The following RFX7 variants were observed in gnomAD, a reference collection of about 807,000 sequenced individuals.
RFX7 encodes regulatory factor X7.
RFX7 carries 26 observed loss-of-function variants against 111.8 expected under a neutral mutation model. The observed-to-expected ratio is 0.23, with a 90% CI of 0.17 to 0.32. RFX7 has a LOEUF of 0.32. RFX7 is among the 10% of genes least tolerant of loss of function. The pLI is 1.00. For synonymous variants in RFX7, 624 were observed against 624.4 expected (o/e 1.00, Z 0.01); for missense variants, 1,573 against 1,772.9 (o/e 0.89, Z 2.02).
chr15:56,129,978 T>C (rs2042191514), intron 5 of RFX7, among the ~76,000 whole-genome samples: 1 of 152,232 alleles, frequency 6.6e-6, no homozygotes, highest in East Asian at 1.9e-4. Flanking sequence ...CAGTTAATTT[T>C]CTTATATGTA....
intron 2 of RFX7, among the ~76,000 whole-genome samples, chr15:56,191,751 C>T (rs1043799493): frequency 5.9e-5 from 9 of 151,980 alleles, no homozygotes; most frequent in African/African-American, 2.2e-4. Context: ...ACCAGGAAAA[C>T]CGACCTCTTA....
At chr15:56,134,835 A>T (rs1431385653) in intron 5 of RFX7, among the ~76,000 whole-genome samples, 8 of 152,020 alleles carry the variant, frequency 5.3e-5, no homozygotes, top group African/African-American at 1.9e-4. Flanking sequence ...TCATTGTTCA[A>T]TCCCCACCTA....
intron 2 of RFX7, among the ~76,000 whole-genome samples, chr15:56,210,073 C>T (rs1567047334): frequency 1.3e-5 from 2 of 151,882 alleles, no homozygotes; most frequent in East Asian, 1.9e-4. Flanking sequence ...AATTATATGT[C>T]GTCTACAAAA....
At chr15:56,195,555 CCTGCT>C (rs2043139791) in intron 2 of RFX7, among the ~76,000 whole-genome samples, 1 of 152,226 alleles carries the variant, frequency 6.6e-6, no homozygotes, top group East Asian at 1.9e-4. Flanking sequence ...TTAGTACTTG[CCTGCT>C]CTTATGAATT....
At chr15:56,222,761 T>C (rs2141217668) in intron 2 of RFX7, among the ~76,000 whole-genome samples, 1 of 152,294 alleles carries the variant, frequency 6.6e-6, no homozygotes, top group East Asian at 1.9e-4. Context: ...AGAGACAACA[T>C]AAAATAGTTG....
At chr15:56,202,328 T>A (rs1277814145) in intron 2 of RFX7, among the ~76,000 whole-genome samples, 1 of 152,242 alleles carries the variant, frequency 6.6e-6, no homozygotes, top group South Asian at 2.1e-4. Context: ...GCAATGAATA[T>A]AAATATTGAG....
intron 3 of RFX7, among the ~76,000 whole-genome samples, chr15:56,177,350 A>G (rs941839971): frequency 6.6e-6 from 1 of 152,114 alleles, no homozygotes; most frequent in Non-Finnish European, 1.5e-5. Flanking sequence ...ATTGTGGAGT[A>G]TCATTTATCG....
chr15:56,158,114 C>CAT (rs761992147), intron 3 of RFX7, among the ~76,000 whole-genome samples: 2 of 152,040 alleles, frequency 1.3e-5, no homozygotes, highest in Admixed American at 6.6e-5. Flanking sequence ...AAGGATATGA[C>CAT]ATATATATAA....
chr15:56,241,310 C>A (rs2043686642), intron 2 of RFX7, among the ~76,000 whole-genome samples: 1 of 152,010 alleles, frequency 6.6e-6, no homozygotes, highest in Non-Finnish European at 1.5e-5. Context: ...CATTATTTGC[C>A]AAAAAGTGCA....
chr15:56,105,611 T>C (rs2041819859), intron 5 of RFX7, among the ~76,000 whole-genome samples: 1 of 152,136 alleles, frequency 6.6e-6, no homozygotes, highest in Admixed American at 6.5e-5. Context: ...TCCATTCTAT[T>C]CTCCATCTGT....
chr15:56,193,361 T>G (rs2043118077), intron 2 of RFX7: 2 of 152,198 alleles, frequency 1.3e-5, no homozygotes, highest in Admixed American at 1.3e-4. Flanking sequence ...CCATTTTCTA[T>G]TTTTGAATAA....
intron 2 of RFX7, among the ~76,000 whole-genome samples, chr15:56,230,555 TG>T (rs1293200082): frequency 1.3e-5 from 2 of 152,094 alleles, no homozygotes; most frequent in Non-Finnish European, 2.9e-5. Context: ...CCTCTAAGAA[TG>T]CAGTAAACAA....
rs563588702 is a variant in RFX7 at position 56,156,914 on chromosome 15, G to T, written c.196-12431C>A. 1.4e-4 allele frequency among the ~76,000 whole-genome samples: 22 copies of T among 152,278 alleles called. No homozygotes were observed. The South Asian group carries it at 4.6e-3, about 32-fold the overall frequency. ...GAGCTTGTTAAAACAAAGAGTGCATGACCCCACTTCCAGAGTTTCTGATTC... is the reference window on the plus strand; with the variant it reads ...GAGCTTGTTAAAACAAAGAGTGCATTACCCCACTTCCAGAGTTTCTGATTC... On this transcript the variant is annotated intron_variant, in intron 3 of 9. Transcript: ENST00000559447.
intron 2 of RFX7, among the ~76,000 whole-genome samples, chr15:56,201,180 A>G (rs1403563217): frequency 6.6e-6 from 1 of 152,192 alleles, no homozygotes; most frequent in Non-Finnish European, 1.5e-5. Context: ...TACTTGTAAG[A>G]CATGACTTAT....
intron 2 of RFX7, among the ~76,000 whole-genome samples, chr15:56,208,211 C>G (rs2043275048): frequency 6.6e-6 from 1 of 152,068 alleles, no homozygotes; most frequent in Non-Finnish European, 1.5e-5. Flanking sequence ...ATAACGCTAC[C>G]CTCAGGAGAA....
At chr15:56,173,399 A>G (rs1459427440) in intron 3 of RFX7, among the ~76,000 whole-genome samples, 1 of 152,246 alleles carries the variant, frequency 6.6e-6, no homozygotes, top group African/African-American at 2.4e-5. Context: ...AACCATAAAA[A>G]TCAGTGTTCA....
chr15:56,235,812 T>C (rs1364080154), intron 2 of RFX7, among the ~76,000 whole-genome samples: 1 of 152,216 alleles, frequency 6.6e-6, no homozygotes, highest in Non-Finnish European at 1.5e-5. Flanking sequence ...TGTAAAGGTA[T>C]CCTTTGCTAT....
At chr15:56,184,855 G>A (rs2043020996) in intron 2 of RFX7, among the ~76,000 whole-genome samples, 1 of 152,166 alleles carries the variant, frequency 6.6e-6, no homozygotes, top group Admixed American at 6.5e-5. Flanking sequence ...AGCTTATAAA[G>A]ACAGAAGTTG....
chr15:56,176,904 C>T (rs1277973162), intron 3 of RFX7, among the ~76,000 whole-genome samples: 1 of 150,608 alleles, frequency 6.6e-6, no homozygotes, highest in Non-Finnish European at 1.5e-5. Flanking sequence ...CTCATATCCC[C>T]CTACAATCCA....
Sources: allele counts gnomAD v4.1 joint callset (sites outside exome capture counted in the v4.1 genomes callset), GRCh38; gene constraint gnomAD v4.1.1; transcripts MANE v1.5; gene names NCBI Gene and HGNC (gene_info 2026-07-23, HGNC 2026-07-21).